MUC17: variants seen among roughly 807,000 people sequenced by gnomAD.
MUC17 encodes mucin-17.
Under a neutral mutation model 170.3 loss-of-function variants are expected in MUC17, and 190 were observed. The ratio of observed to expected loss-of-function variants is 1.12; its 90% CI spans 0.99 to 1.26. MUC17 has a LOEUF of 1.26. MUC17 is among the 50% of genes most tolerant of loss of function. The pLI is 0.00. For missense variants in MUC17, 6,415 were observed against 5,530.0 expected, an observed-to-expected ratio of 1.16 and a Z score of -5.08; for synonymous variants, 2,325 against 2,002.5, an observed-to-expected ratio of 1.16 and a Z score of -4.30.
At chr7:101,052,531 A>C (rs548985408) in intron 9 of MUC17, among the ~76,000 whole-genome samples, 1 of 152,246 alleles carries the variant, frequency 6.6e-6, no homozygotes, top group African/African-American at 2.4e-5. Flanking sequence ...GAAGAAAGGA[A>C]CAGGGCTTAG....
rs1338606023 is a variant in MUC17, at chr7:101,048,273, G to C, written c.12535+158G>C. The stretch of plus-strand genomic sequence containing the variant: ...TTTTGTTTTGTTTTGTTTCCACCCA[G>C]TGCTATGAATGCTAAAGCATTACAA... On this transcript the variant is annotated intron_variant, in intron 4 of 12. Coordinates refer to ENST00000306151, the MANE Select transcript of MUC17 (RefSeq NM_001040105.2). 3 of 671,756 alleles carry C rather than the reference G, an allele frequency of 4.5e-6. No homozygotes were observed. The East Asian group carries it at 1.0e-4, about 23-fold the overall frequency. 41.6% of individuals were successfully genotyped at this position (671,756 alleles called of 1,614,324 possible).
Position 101,041,351 on chromosome 7 carries a change from T to G in MUC17, c.9935T>G (p.Val3312Gly), listed in dbSNP as rs770400079. Reference sequence around the variant, plus strand: ...ACTCCTGCTGACACCAGCACACCTGTGACCACTTATTCTCAAGCCAGTTCA... The same window carrying G: ...ACTCCTGCTGACACCAGCACACCTGGGACCACTTATTCTCAAGCCAGTTCA... ...STTPADTSTP[V>G]TTYSQASSSP... The change falls in exon 3 of 13, where the codon GTG becomes GGG. Residue 3312 changes from valine to glycine, a missense_variant. Transcript: ENST00000306151. The G allele has an allele frequency of 6.0e-5, 96 of 1,613,178 alleles. No homozygotes were observed. Among genetic ancestry groups the G allele is most frequent in the Non-Finnish European group, 7.9e-5 (93 of 1,179,582 alleles).
rs764001311 is a variant in MUC17, at chr7:101,038,618, G to C, written c.7202G>C (p.Ser2401Thr). 1.9e-6 allele frequency: 3 copies of C among 1,614,076 alleles called. No homozygotes were observed. The highest frequency in any genetic ancestry group is 2.2e-5 in the South Asian group (2 of 91,068). ...AGTGAAGGAAGCACTCCACTAACAA[G>C]TGTGCCTGTCAGCACCATGCCGGTG... ...TYSEGSTPLT[S>T]VPVSTMPVVS... is the part of the protein sequence containing the mutation. The change falls in exon 3 of 13, where the codon AGT becomes ACT. Residue 2401 changes from serine (S) to threonine (T), a missense_variant. Physicochemically the swap from Ser to Thr is moderately conservative, Grantham distance 58. Coordinates refer to ENST00000306151, the MANE Select transcript of MUC17 (RefSeq NM_001040105.2).
chr7:101,032,711 C>A lies in MUC17; in HGVS notation c.1295C>A (p.Ser432Ter), dbSNP rs763649320. The A allele has an allele frequency of 1.3e-6, 2 of 1,577,464 alleles. No homozygotes were observed. The highest frequency in any genetic ancestry group is 1.7e-6 in the Non-Finnish European group (2 of 1,154,896). ...TFVTTASEAS[S>*]SPTTAEDTSI... ...GTGACCACTGCTAGTGAAGCCAGCTCATCTCCCACAACTGCTGAAGATACC... is the reference window on the plus strand; with the variant it reads ...GTGACCACTGCTAGTGAAGCCAGCTAATCTCCCACAACTGCTGAAGATACC... The change falls in exon 3 of 13, where the codon TCA (serine) becomes TAA (stop). Residue 432 changes from serine to a stop codon, truncating the protein, a stop_gained. Transcript: ENST00000306151. LOFTEE classifies it high-confidence loss of function.
chr7:101,026,502 C>G (rs1380191976), intron 1 of MUC17, among the ~76,000 whole-genome samples: 1 of 152,192 alleles, frequency 6.6e-6, no homozygotes, highest in Non-Finnish European at 1.5e-5. Flanking sequence ...GGGGCTGAGA[C>G]CTCTCATCTG....
intron 12 of MUC17, among the ~76,000 whole-genome samples, chr7:101,056,695 A>G (rs1795051990): frequency 6.6e-6 from 1 of 152,228 alleles, no homozygotes; most frequent in Non-Finnish European, 1.5e-5. Flanking sequence ...AATAATTTGG[A>G]AGTCAGCTGC....
chr7:101,020,910 C>T (rs761170141), intron 1 of MUC17, among the ~76,000 whole-genome samples: 14 of 152,134 alleles, frequency 9.2e-5, no homozygotes, highest in Non-Finnish European at 1.8e-4. Context: ...CAGCTGGACT[C>T]TCTGGGAGCT....
chr7:101,055,487 A>G (rs1795029707), intron 11 of MUC17, among the ~76,000 whole-genome samples: 1 of 152,258 alleles, frequency 6.6e-6, no homozygotes, highest in South Asian at 2.1e-4. Context: ...ACACAAGTTT[A>G]ATTTGTATGC....
chr7:101,034,313 C>G lies in MUC17; in HGVS notation c.2897C>G (p.Thr966Arg). 1 of 1,610,420 alleles carries G rather than the reference C, an allele frequency of 6.2e-7. No individual in the cohort carries two copies. The highest frequency in any genetic ancestry group is 8.5e-7 in the Non-Finnish European group (1 of 1,178,590). Reference sequence around the variant, plus strand: ...TCTACTGAAGCCACTTCATCTCCTACAACTGCTGAAGGTACCAGCATACCA... The same window carrying G: ...TCTACTGAAGCCACTTCATCTCCTAGAACTGCTGAAGGTACCAGCATACCA... Reference protein sequence around the residue: ...TTSTEATSSPTTAEGTSIPTS... With the variant: ...TTSTEATSSPRTAEGTSIPTS... Residue 966 changes from threonine to arginine, a missense_variant, in exon 3 of 13, where the codon ACA (threonine) becomes AGA (arginine). By Grantham distance (71) the Thr-to-Arg change is moderately conservative. Coordinates refer to ENST00000306151, the MANE Select transcript of MUC17 (RefSeq NM_001040105.2).
Position 101,032,709 on chromosome 7 carries a change from C to G in MUC17, c.1293C>G (p.Ser431Arg). 2 of 1,571,436 alleles carry G rather than the reference C, an allele frequency of 1.3e-6. No homozygotes were observed. The highest frequency in any genetic ancestry group is 1.7e-6 in the Non-Finnish European group (2 of 1,152,752). Residue 431 changes from serine to arginine, a missense_variant, in exon 3 of 13, where the codon AGC becomes AGG. By Grantham distance (110) the Ser-to-Arg change is moderately radical (BLOSUM62 -1). Coordinates refer to ENST00000306151, the MANE Select transcript of MUC17 (RefSeq NM_001040105.2). ...KTFVTTASEA[S>R]SSPTTAEDTS... ...TTGTGACCACTGCTAGTGAAGCCAG[C>G]TCATCTCCCACAACTGCTGAAGATA...
chr7:101,035,039 G>C lies in MUC17; in HGVS notation c.3623G>C (p.Ser1208Thr), dbSNP rs769978558. ...CCTCCTCCAACTGCTGAAGTTACCAGCATGCCAACCTCAACTCCTGGAGAA... is the reference window on the plus strand; with the variant it reads ...CCTCCTCCAACTGCTGAAGTTACCACCATGCCAACCTCAACTCCTGGAGAA... ...SSPPPTAEVT[S>T]MPTSTPGERS... The change falls in exon 3 of 13, where the codon AGC becomes ACC. Residue 1208 changes from serine (S) to threonine (T), a missense_variant. Transcript: ENST00000306151. The C allele has an allele frequency of 2.5e-6, 4 of 1,614,098 alleles. No homozygotes were observed. The highest frequency in any genetic ancestry group is 3.4e-6 in the Non-Finnish European group (4 of 1,180,014).
rs752415386 is a variant in MUC17 at position 101,031,637 on chromosome 7, C to T, written c.221C>T (p.Thr74Ile). 8 of 1,555,706 alleles carry T rather than the reference C, an allele frequency of 5.1e-6. No individual in the cohort carries two copies. In the African/African-American group the frequency reaches 5.5e-5, roughly 11 times the overall value. The change falls in exon 3 of 13, where the codon ACA becomes ATA. Residue 74 changes from threonine to isoleucine, a missense_variant. Coordinates refer to ENST00000306151, the MANE Select transcript of MUC17 (RefSeq NM_001040105.2). ...AANTATGTTS[T>I]NVVEPRMYLS... ...AACACCGCCACAGGTACAACATCTA[C>T]AAATGTCGTGGAGCCAAGAATGTAT...
intron 3 of MUC17, among the ~76,000 whole-genome samples, chr7:101,044,191 A>C (rs1297351082): frequency 6.6e-6 from 1 of 152,188 alleles, no homozygotes; most frequent in Non-Finnish European, 1.5e-5. Flanking sequence ...TAATGGCTGC[A>C]TAGTATTCCA....
chr7:101,034,052 C>G lies in MUC17; in HGVS notation c.2636C>G (p.Thr879Ser), dbSNP rs200686630. ...SMPVSTTLVA[T>S]SAISTLSTTP... is the part of the protein sequence containing the mutation. ...CCTGTCAGCACCACACTGGTGGCCA[C>G]TTCTGCAATCAGCACCCTTTCAACA... The change falls in exon 3 of 13, where the codon ACT (threonine) becomes AGT (serine). Residue 879 changes from threonine (T) to serine (S), a missense_variant. Transcript: ENST00000306151. The G allele has an allele frequency of 0.066, 92,965 of 1,404,824 alleles. 1 individual carries two copies. Among genetic ancestry groups the G allele is most frequent in the African/African-American group, 0.21 (13,333 of 62,594 alleles). The allele number at this position is 1,404,824 out of a possible 1,614,324, so 87.0% of individuals were successfully genotyped here.
chr7:101,045,245 C>G (rs1794817536), intron 3 of MUC17, among the ~76,000 whole-genome samples: 1 of 152,172 alleles, frequency 6.6e-6, no homozygotes, highest in Non-Finnish European at 1.5e-5. Flanking sequence ...TGATCTGTGT[C>G]TGCCCACAGA....
chr7:101,034,639 A>G lies in MUC17; in HGVS notation c.3223A>G (p.Thr1075Ala), dbSNP rs1794403725. Reference sequence around the variant, plus strand: ...TGCTGACACCAGCACACCTGTGACCACTTATTCTCAAGCCAGTTCATCTTC... The same window carrying G: ...TGCTGACACCAGCACACCTGTGACCGCTTATTCTCAAGCCAGTTCATCTTC... ...TPADTSTPVTTYSQASSSSTT... is the reference protein window; with the variant it reads ...TPADTSTPVTAYSQASSSSTT... Residue 1075 changes from threonine to alanine, a missense_variant, in exon 3 of 13, where the codon ACT becomes GCT. Thr to Ala is a moderately conservative substitution (Grantham distance 58). Coordinates refer to ENST00000306151, the MANE Select transcript of MUC17 (RefSeq NM_001040105.2). 6.2e-7 allele frequency: 1 copy of G among 1,603,924 alleles called. No homozygotes were observed. The highest frequency in any genetic ancestry group is 1.3e-5 in the African/African-American group (1 of 74,742).
At chr7:101,056,924 A>G (rs992865825) in intron 12 of MUC17, among the ~76,000 whole-genome samples, 1 of 152,090 alleles carries the variant, frequency 6.6e-6, no homozygotes, top group Non-Finnish European at 1.5e-5. Flanking sequence ...TTAATCTAGA[A>G]TGGGCTCCTA....
chr7:101,048,392 A>T (rs1794879105), intron 4 of MUC17: 1 of 239,462 alleles, frequency 4.2e-6, no homozygotes, highest in Non-Finnish European at 7.9e-6. Context: ...GGAGCTCGAG[A>T]CCAGCCTGGG....
Position 101,041,662 on chromosome 7 carries a change from G to T in MUC17, c.10246G>T (p.Val3416Phe). The change falls in exon 3 of 13, where the codon GTT becomes TTT. Residue 3416 changes from valine to phenylalanine, a missense_variant. Transcript: ENST00000306151. ...VSTTPVVSSE[V>F]NTLSTTPVDS... ...CACCACGCCGGTGGTCAGTTCTGAG[G>T]TTAACACCCTTTCAACAACTCCTGT... The T allele has an allele frequency of 2.5e-6, 4 of 1,613,644 alleles. No individual in the cohort carries two copies. The highest frequency in any genetic ancestry group is 2.5e-6 in the Non-Finnish European group (3 of 1,179,882).
Sources: allele counts gnomAD v4.1 joint callset (sites outside exome capture counted in the v4.1 genomes callset), GRCh38; gene constraint gnomAD v4.1.1; transcripts MANE v1.5; gene names NCBI Gene and HGNC (gene_info 2026-07-23, HGNC 2026-07-21).